Variants in TOGARAM2 observed in about 807,000 individuals in gnomAD.
TOGARAM2 encodes TOG array regulator of axonemal microtubules protein 2.
TOGARAM2 carries 85 observed loss-of-function variants against 93.3 expected under a neutral mutation model. The observed-to-expected ratio is 0.91, with a 90% CI of 0.76 to 1.09. The LOEUF is 1.09. Among genes scored for constraint, TOGARAM2 ranks in the 50% least tolerant of loss-of-function variants. The pLI is 0.00. For missense variants in TOGARAM2, 1,277 were observed against 1,334.5 expected (o/e 0.96, Z 0.67); for synonymous variants, 593 against 552.8 (o/e 1.07, Z -1.02).
intron 19 of TOGARAM2, chr2:29,051,517 A>T: frequency 8.0e-6 from 3 of 373,734 alleles, no homozygotes; most frequent in Middle Eastern, 6.9e-4. Context: ...TAAAAATTAT[A>T]GTTTCTGACT....
chr2:29,011,438 T>TC lies in TOGARAM2; in HGVS notation c.831-12dup, dbSNP rs1313883518. ...GGCCATCCCTCATGATGCTTTTCTC[T>TC]CCCCCGTTCTTTTAAGATTGGCTCG... On this transcript the variant is annotated splice_polypyrimidine_tract_variant and intron_variant, in intron 6 of 19. Coordinates refer to ENST00000379558, the MANE Select transcript of TOGARAM2 (RefSeq NM_199280.4). 1 of 1,609,212 alleles carries TC rather than the reference T, an allele frequency of 6.2e-7. No individual in the cohort carries two copies. The highest frequency in any genetic ancestry group is 1.1e-5 in the South Asian group (1 of 90,388).
chr2:28,976,887 G>A (rs1048800466), upstream of TOGARAM2, among the ~76,000 whole-genome samples: 2 of 152,244 alleles, frequency 1.3e-5, no homozygotes, highest in Non-Finnish European at 2.9e-5. Context: ...GGTACTGACA[G>A]GGCCTTTCAG....
At position 29,036,771 on chromosome 2, in the gene TOGARAM2, G is replaced by C; in HGVS notation, c.2635+14G>C. 6.2e-7 allele frequency: 1 copy of C among 1,605,200 alleles called. No homozygotes were observed. Among genetic ancestry groups the C allele is most frequent in the Middle Eastern group, 1.7e-4 (1 of 5,992 alleles). ...TTGAGAGCCTGGGTGAGTGTCCCAC[G>C]TGGGCCTGTGTGGCTCTGGTCACCA... On this transcript the variant is annotated intron_variant, in intron 18 of 19. Transcript: ENST00000379558.
At chr2:28,959,568 A>G (rs563036906) in intron 1 of TOGARAM2, among the ~76,000 whole-genome samples, 16 of 152,258 alleles carry the variant, frequency 1.1e-4, no homozygotes, top group Non-Finnish European at 2.1e-4. Flanking sequence ...CCTGGCTAAC[A>G]TGCTGAAACC....
chr2:28,968,740 C>T (rs66939948), intron 1 of TOGARAM2, among the ~76,000 whole-genome samples: 24,652 of 149,220 alleles, frequency 0.17, 2,920 homozygotes, highest in East Asian at 0.59. Flanking sequence ...GATCACTGAG[C>T]CCAGCAGGTG....
chr2:28,977,410 C>T (rs1421100053), upstream of TOGARAM2, among the ~76,000 whole-genome samples: 1 of 152,100 alleles, frequency 6.6e-6, no homozygotes, highest in Non-Finnish European at 1.5e-5. Context: ...TCCAGCTAGG[C>T]CTGGGATGGT....
At chr2:28,983,088 A>C (rs1672281772) in intron 1 of TOGARAM2, among the ~76,000 whole-genome samples, 1 of 116,264 alleles carries the variant, frequency 8.6e-6, no homozygotes, top group Non-Finnish European at 1.8e-5. Flanking sequence ...CCTAGGCTCA[A>C]GTGTTCCTCC....
chr2:28,960,207 C>T (rs1019238994), intron 1 of TOGARAM2, among the ~76,000 whole-genome samples: 1 of 152,108 alleles, frequency 6.6e-6, no homozygotes, highest in African/African-American at 2.4e-5. Context: ...TTTTGCTGAT[C>T]TACTAGAAAG....
intron 10 of TOGARAM2, among the ~76,000 whole-genome samples, chr2:29,019,604 C>T (rs1489102742): frequency 2.0e-5 from 3 of 152,156 alleles, no homozygotes; most frequent in East Asian, 1.9e-4. Context: ...TGATGCTTGA[C>T]CCAGGATAGT....
chr2:28,992,689 A>G lies in TOGARAM2; in HGVS notation c.-110-2036A>G, dbSNP rs569220168. On this transcript the variant is annotated intron_variant, in intron 1 of 19. Coordinates refer to ENST00000379558, the MANE Select transcript of TOGARAM2 (RefSeq NM_199280.4). ...GACCATTCTGACAGCCTAGGGTAAG[A>G]AATAGGGCCGAGATCTTATTATAAA... Among the ~76,000 whole-genome samples, 10 of 152,280 alleles carry G rather than the reference A, an allele frequency of 6.6e-5. No individual in the cohort carries two copies. In the South Asian group the frequency reaches 2.1e-3, roughly 32 times the overall value.
At chr2:29,003,409 C>T (rs1284764255) in intron 5 of TOGARAM2, 83 bp from the exon 6 acceptor site, 1 of 1,225,898 alleles carries the variant, frequency 8.2e-7, no homozygotes, top group African/African-American at 1.6e-5. Context: ...CAGCAGGTCC[C>T]ACACTGTGTG....
At chr2:29,017,698 A>C in intron 9 of TOGARAM2, 94 bp from the exon 10 acceptor site, 1 of 1,278,654 alleles carries the variant, frequency 7.8e-7, no homozygotes, top group Non-Finnish European at 1.1e-6. Flanking sequence ...GGCATGAGCT[A>C]CTTTGGCCAG....
At position 29,046,635 on chromosome 2, in the gene TOGARAM2, A is replaced by G. The variant is rs188558419; in HGVS notation, c.2722+1225A>G. Reference sequence around the variant, plus strand: ...GCTCTATGCTCATTGAATCCTCATGACCACCCCACAGGAGGATGTAGATTC... The same window carrying G: ...GCTCTATGCTCATTGAATCCTCATGGCCACCCCACAGGAGGATGTAGATTC... On this transcript the variant is annotated intron_variant, in intron 19 of 19. Transcript: ENST00000379558. 2.6e-3 allele frequency: 397 copies of G among 152,228 alleles called. 1 individual carries two copies. The highest frequency in any genetic ancestry group is 4.5e-3 in the Non-Finnish European group (309 of 68,086). The allele number at this position is 152,228 out of a possible 1,614,324, so 9.4% of individuals were successfully genotyped here. A position where few individuals can be genotyped will look rare whatever the true frequency, so the allele number is the denominator to read the frequency against.
chr2:29,033,602 A>G lies in TOGARAM2; in HGVS notation c.2225+39A>G, dbSNP rs1231043532. The stretch of plus-strand genomic sequence containing the variant: ...TGTATCTCTGGGCTTCACATCTAAG[A>G]CTTCTGACAGAGGCATCCTGCTTGT... On this transcript the variant is annotated intron_variant, in intron 16 of 19. Coordinates refer to ENST00000379558, the MANE Select transcript of TOGARAM2 (RefSeq NM_199280.4). 3 of 1,585,448 alleles carry G rather than the reference A, an allele frequency of 1.9e-6. No homozygotes were observed. The African/African-American group carries it at 4.0e-5, about 21-fold the overall frequency.
In TOGARAM2 at chr2:29,051,849, A is replaced by G. The variant is rs1261906312; in HGVS notation, c.2816A>G (p.Asn939Ser). The change falls in exon 20 of 20, where the codon AAT becomes AGT. Residue 939 changes from asparagine (N) to serine (S), a missense_variant. Physicochemically the swap from Asn to Ser is conservative, Grantham distance 46 (BLOSUM62 1). Transcript: ENST00000379558. Reference protein sequence around the residue: ...LWHFLNTATRNGTLPGPSGNI... With the variant: ...LWHFLNTATRSGTLPGPSGNI... ...CACTTCCTGAACACCGCCACCAGGA[A>G]TGGCACCCTGCCTGGACCCAGCGGG... The G allele has an allele frequency of 1.3e-6, 2 of 1,568,222 alleles. No homozygotes were observed.
intron 1 of TOGARAM2, among the ~76,000 whole-genome samples, chr2:28,959,626 G>A (rs1671774750): frequency 1.3e-5 from 2 of 151,932 alleles, no homozygotes; most frequent in African/African-American, 2.4e-5. Flanking sequence ...AGTGGCGGGC[G>A]CCTGTAGTCC....
chr2:28,958,120 G>T (rs1184180925), intron 1 of TOGARAM2, among the ~76,000 whole-genome samples: 3 of 152,174 alleles, frequency 2.0e-5, no homozygotes, highest in Non-Finnish European at 2.9e-5. Context: ...AGACAAATAG[G>T]TCCGTTCTAG....
intron 1 of TOGARAM2, among the ~76,000 whole-genome samples, chr2:28,968,897 T>C (rs556841376): frequency 6.6e-6 from 1 of 150,416 alleles, no homozygotes; most frequent in East Asian, 1.9e-4. Context: ...TACTCCCCTG[T>C]ATTACCCTTA....
At chr2:28,976,108 C>G (rs529090969) in intron 1 of TOGARAM2, among the ~76,000 whole-genome samples, 2 of 152,226 alleles carry the variant, frequency 1.3e-5, no homozygotes, top group Non-Finnish European at 2.9e-5. Flanking sequence ...TGGCGGCTCA[C>G]GCCTGTAATC....
Sources: allele counts gnomAD v4.1 joint callset (sites outside exome capture counted in the v4.1 genomes callset), GRCh38; gene constraint gnomAD v4.1.1; transcripts MANE v1.5; gene names NCBI Gene and HGNC (gene_info 2026-07-23, HGNC 2026-07-21).